The following MPDZ variants were observed in gnomAD, a reference collection of about 807,000 sequenced individuals.
MPDZ encodes the protein multiple PDZ domain protein.
Under a neutral mutation model 239.1 loss-of-function variants are expected in MPDZ, and 234 were observed. That is an observed-to-expected ratio of 0.98 (90% CI 0.88 to 1.09). The LOEUF (loss-of-function observed/expected upper bound fraction) is 1.09. MPDZ is among the 50% of genes least tolerant of loss of function. MPDZ has a pLI of 0.00. For missense variants in MPDZ, 3,175 were observed against 2,510.0 expected, an observed-to-expected ratio of 1.26 and a Z score of -5.66; for synonymous variants, 1,048 against 881.3, an observed-to-expected ratio of 1.19 and a Z score of -3.35.
intron 37 of MPDZ, 46 bp from the exon 38 acceptor site, chr9:13,121,978 G>A (rs773552330): frequency 6.2e-7 from 1 of 1,600,504 alleles, no homozygotes; most frequent in Non-Finnish European, 8.5e-7. Context: ...GAGAAGTAAA[G>A]GAGAGTTAGG....
chr9:13,163,459 A>G (rs1000939936), intron 22 of MPDZ, among the ~76,000 whole-genome samples: 5 of 152,170 alleles, frequency 3.3e-5, no homozygotes, highest in Admixed American at 6.6e-5. Flanking sequence ...TACTAATTCA[A>G]CAAGTACTGA....
At position 13,236,195 on chromosome 9, in the gene MPDZ, A is replaced by ATGTG. The variant is rs1192512851; in HGVS notation, c.183+11439_183+11440insCACA. 2.1e-4 allele frequency among the ~76,000 whole-genome samples: 10 copies of ATGTG among 47,200 alleles called. No individual in the cohort carries two copies. In the East Asian group the frequency reaches 7.7e-3, roughly 36 times the overall value. The allele number at this position is 47,200 out of a possible 152,430, so 31.0% of individuals were successfully genotyped here. A position where few individuals can be genotyped will look rare whatever the true frequency, so the allele number is the denominator to read the frequency against. ...GTTTTGTGTGTGTGTGTTTCTGTAT[A>ATGTG]TATGTGTGTGTGTGTGTGTGTGTGT... On this transcript the variant is annotated intron_variant, in intron 3 of 46. Transcript: ENST00000319217.
rs1319875581 is a variant in MPDZ, at chr9:13,168,397, T to C, written c.3223A>G (p.Arg1075Gly). Reference sequence around the variant, plus strand: ...TCAGGGCCAATGAGAGAATGTCTTCTCAACATAGCTCGTGCCTGGGCATTG... The same window carrying C: ...TCAGGGCCAATGAGAGAATGTCTTCCCAACATAGCTCGTGCCTGGGCATTG... ...VTNAQARAML[R>G]RHSLIGPDIK... Residue 1075 changes from arginine (R) to glycine (G), a missense_variant, in exon 22 of 47, where the codon AGA becomes GGA. Coordinates refer to ENST00000319217, the MANE Select transcript of MPDZ (RefSeq NM_001378778.1). 4.3e-6 allele frequency: 7 copies of C among 1,613,414 alleles called. No individual in the cohort carries two copies. The highest frequency in any genetic ancestry group is 5.9e-6 in the Non-Finnish European group (7 of 1,179,502).
At chr9:13,235,908 G>T (rs1963819843) in intron 3 of MPDZ, among the ~76,000 whole-genome samples, 1 of 151,982 alleles carries the variant, frequency 6.6e-6, no homozygotes, top group Non-Finnish European at 1.5e-5. Flanking sequence ...TTATATTTGG[G>T]AAGGTGTACC....
intron 30 of MPDZ, 113 bp from the exon 31 acceptor site, chr9:13,136,295 C>T: frequency 2.1e-5 from 9 of 428,954 alleles, no homozygotes; most frequent in South Asian, 1.2e-4. Context: ...AAACCTGGAA[C>T]TGTGACACTT....
At position 13,183,422 on chromosome 9, in the gene MPDZ, G is replaced by A; in HGVS notation, c.2645C>T (p.Pro882Leu). ...AAATTGGCTTTTCCTTTGTACCTTA[G>A]GAGGAGATGATGGAAGGGAAGAACC... ...NYGSSLPSSP[P>L]KDVIENSCDP... Residue 882 changes from proline (P) to leucine (L), a missense_variant, in exon 19 of 47, where the codon CCT (proline) becomes CTT (leucine). Coordinates refer to ENST00000319217, the MANE Select transcript of MPDZ (RefSeq NM_001378778.1). 1.2e-6 allele frequency: 2 copies of A among 1,604,734 alleles called. No individual in the cohort carries two copies. The highest frequency in any genetic ancestry group is 2.2e-5 in the South Asian group (2 of 89,186).
chr9:13,231,680 AT>A (rs953573180), intron 3 of MPDZ, among the ~76,000 whole-genome samples: 25 of 147,226 alleles, frequency 1.7e-4, no homozygotes, highest in African/African-American at 3.0e-4. Flanking sequence ...AATTCTTCCC[AT>A]TTTTTTTTTC....
At chr9:13,199,588 G>C (rs1034125762) in intron 12 of MPDZ, among the ~76,000 whole-genome samples, 1 of 151,930 alleles carries the variant, frequency 6.6e-6, no homozygotes, top group African/African-American at 2.4e-5. Context: ...CCAGATCTTA[G>C]AGAAAAGTCT....
chr9:13,190,177 G>A lies in MPDZ; in HGVS notation c.2091C>T (p.Gly697=). 2 of 1,613,246 alleles carry A rather than the reference G, an allele frequency of 1.2e-6. No homozygotes were observed. The highest frequency in any genetic ancestry group is 1.7e-6 in the Non-Finnish European group (2 of 1,179,546). Residue 697 remains glycine, a synonymous_variant, in exon 16 of 47, where the codon GGC becomes GGT. Transcript: ENST00000319217. ...VQAPLAMWEA[G]IQHIELEKGS... ...CTTTCTCCAGCTCTATGTGCTGAAT[G>A]CCAGCCTCCCACATGGCCAAAGGTG... is the stretch of plus-strand genomic sequence containing the variant.
chr9:13,172,576 G>A (rs527918820), intron 21 of MPDZ, among the ~76,000 whole-genome samples: 6 of 151,926 alleles, frequency 3.9e-5, no homozygotes, highest in African/African-American at 1.2e-4. Flanking sequence ...CAGTAGAGAC[G>A]GGGTTTCGCC....
At chr9:13,113,323 G>C (rs1942822715) in intron 41 of MPDZ, among the ~76,000 whole-genome samples, 1 of 151,818 alleles carries the variant, frequency 6.6e-6, no homozygotes, top group African/African-American at 2.4e-5. Context: ...ATGAGTCAAG[G>C]GCAGAATGTG....
chr9:13,192,499 T>G (rs1955076559), intron 14 of MPDZ, among the ~76,000 whole-genome samples: 1 of 152,114 alleles, frequency 6.6e-6, no homozygotes, highest in African/African-American at 2.4e-5. Context: ...TCTAAAGCAC[T>G]CAAAGAAAAA....
intron 35 of MPDZ, among the ~76,000 whole-genome samples, chr9:13,123,804 T>C (rs910987853): frequency 2.6e-5 from 4 of 152,216 alleles, no homozygotes; most frequent in Non-Finnish European, 4.4e-5. Context: ...TTTACATTTT[T>C]GTTTTCTTCT....
intron 46 of MPDZ, among the ~76,000 whole-genome samples, chr9:13,108,180 A>G (rs1364303864): frequency 6.6e-6 from 1 of 152,132 alleles, no homozygotes; most frequent in Admixed American, 6.5e-5. Context: ...ACACTGTAAA[A>G]TTTTGAGATT....
intron 23 of MPDZ, 72 bp from the exon 24 acceptor site, chr9:13,158,182 A>C (rs1950053056): frequency 8.7e-7 from 1 of 1,154,500 alleles, no homozygotes; most frequent in African/African-American, 1.5e-5. Context: ...GTACTCTACT[A>C]TTGATTTAGC....
At chr9:13,126,806 T>C (rs763452356) in intron 32 of MPDZ, 34 bp from the exon 33 acceptor site, 5 of 1,546,412 alleles carry the variant, frequency 3.2e-6, no homozygotes, top group Non-Finnish European at 4.5e-6. Context: ...CTCAGAAGAC[T>C]TGAAACAGAT....
intron 3 of MPDZ, among the ~76,000 whole-genome samples, chr9:13,240,604 A>C (rs1018099887): frequency 4.0e-5 from 6 of 149,920 alleles, no homozygotes; most frequent in African/African-American, 1.5e-4. Flanking sequence ...AAAAAAAAAA[A>C]AAAAGACTGG....
At chr9:13,241,426 T>G (rs1430332762) in intron 3 of MPDZ, among the ~76,000 whole-genome samples, 1 of 152,198 alleles carries the variant, frequency 6.6e-6, no homozygotes, top group Non-Finnish European at 1.5e-5. Context: ...CATATTTCTT[T>G]CGTTCTGTCC....
chr9:13,198,627 G>A lies in MPDZ; in HGVS notation c.1547-2397C>T, dbSNP rs188910938. Among the ~76,000 whole-genome samples the A allele has an allele frequency of 3.4e-3, 521 of 151,850 alleles. 1 individual carries two copies. The highest frequency in any genetic ancestry group is 0.012 in the African/African-American group (482 of 41,466). ...TTGTCCATTTTGGCTTTGGTTGCCC[G>A]TGCTTTTGTGAAATTACATAAAAAA... is the stretch of plus-strand genomic sequence containing the variant. On this transcript the variant is annotated intron_variant, in intron 12 of 46. Transcript: ENST00000319217.
Sources: gnomAD v4.1 joint callset for allele counts (sites outside exome capture counted in the v4.1 genomes callset) on GRCh38, gnomAD v4.1.1 for gene constraint, MANE v1.5 for transcripts, NCBI Gene and HGNC (gene_info 2026-07-23, HGNC 2026-07-21) for gene names.